CDH8: variants seen among roughly 807,000 people sequenced by gnomAD.
CDH8 encodes the protein cadherin 8.
In CDH8, 17 loss-of-function variants were observed where a neutral mutation model predicts 68.1. That is an observed-to-expected ratio of 0.25 (90% CI 0.17 to 0.37). CDH8 has a LOEUF of 0.37. Ranked by LOEUF, CDH8 falls within the 10% of genes least tolerant of loss-of-function variation. The pLI is 1.00. For synonymous variants in CDH8, 372 were observed against 365.1 expected, an observed-to-expected ratio of 1.02 and a Z score of -0.21; for missense variants, 763 against 999.3, an observed-to-expected ratio of 0.76 and a Z score of 3.19.
chr16:61,897,060 A>G (rs1963879686), intron 3 of CDH8, among the ~76,000 whole-genome samples: 1 of 148,256 alleles, frequency 6.7e-6, no homozygotes, highest in Non-Finnish European at 1.5e-5. Flanking sequence ...TAATACATAT[A>G]TATCTTTATT....
intron 2 of CDH8, among the ~76,000 whole-genome samples, chr16:61,932,043 T>C (rs1403340569): frequency 6.6e-6 from 1 of 151,690 alleles, no homozygotes; most frequent in Non-Finnish European, 1.5e-5. Context: ...CTGTCTGTAC[T>C]AAAAATACAA....
intron 8 of CDH8, among the ~76,000 whole-genome samples, chr16:61,763,270 C>T (rs1035446380): frequency 1.6e-4 from 25 of 152,132 alleles, no homozygotes; most frequent in African/African-American, 5.8e-4. Context: ...TCATGAATTG[C>T]ATACACACGT....
chr16:61,862,685 G>A (rs1057515126), intron 3 of CDH8, among the ~76,000 whole-genome samples: 3 of 152,164 alleles, frequency 2.0e-5, no homozygotes, highest in African/African-American at 7.2e-5. Flanking sequence ...GGAAAAAATG[G>A]ATGTTTCGAG....
intron 8 of CDH8, among the ~76,000 whole-genome samples, chr16:61,777,715 C>T (rs538521948): frequency 3.9e-5 from 6 of 152,214 alleles, no homozygotes; most frequent in Non-Finnish European, 5.9e-5. Context: ...CTGCTACCTA[C>T]GTTGCAGGGG....
At chr16:61,981,681 T>TGTGC (rs747443852) in intron 2 of CDH8, among the ~76,000 whole-genome samples, 77 of 141,850 alleles carry the variant, frequency 5.4e-4, no homozygotes, top group South Asian at 1.1e-3. Flanking sequence ...TGTGTGTGTG[T>TGTGC]GCGCGCGCGC....
chr16:61,885,588 CT>C (rs1253689370), intron 3 of CDH8, among the ~76,000 whole-genome samples: 1 of 151,872 alleles, frequency 6.6e-6, no homozygotes, highest in Non-Finnish European at 1.5e-5. Flanking sequence ...GGTATTTCTC[CT>C]TTCATTTAAG....
At chr16:61,943,790 A>G (rs1432036780) in intron 2 of CDH8, among the ~76,000 whole-genome samples, 1 of 152,216 alleles carries the variant, frequency 6.6e-6, no homozygotes, top group East Asian at 1.9e-4. Context: ...AAGTGAAATA[A>G]TATTATAGGA....
intron 2 of CDH8, among the ~76,000 whole-genome samples, chr16:61,931,669 G>A (rs891794880): frequency 6.6e-6 from 1 of 152,060 alleles, no homozygotes; most frequent in Non-Finnish European, 1.5e-5. Flanking sequence ...AAGATTGTGA[G>A]GGATTTCTCC....
intron 3 of CDH8, among the ~76,000 whole-genome samples, chr16:61,877,734 G>T (rs768979332): frequency 6.6e-6 from 1 of 152,062 alleles, no homozygotes; most frequent in African/African-American, 2.4e-5. Flanking sequence ...AGAGAATGAA[G>T]AGAGAGAATA....
chr16:61,812,409 A>C (rs1438428351), intron 7 of CDH8, among the ~76,000 whole-genome samples: 1 of 152,056 alleles, frequency 6.6e-6, no homozygotes, highest in East Asian at 1.9e-4. Flanking sequence ...TCTTATGTTG[A>C]CCTCCTACTC....
At chr16:61,886,399 C>T (rs937143356) in intron 3 of CDH8, among the ~76,000 whole-genome samples, 4 of 152,154 alleles carry the variant, frequency 2.6e-5, no homozygotes, top group African/African-American at 7.2e-5. Context: ...TCTTACAGAC[C>T]AAAGTTCTTT....
intron 10 of CDH8, among the ~76,000 whole-genome samples, chr16:61,688,094 C>A (rs1405189236): frequency 6.6e-6 from 1 of 151,904 alleles, no homozygotes; most frequent in Non-Finnish European, 1.5e-5. Context: ...AGTCTTTCTT[C>A]CCAGTAGTAA....
At chr16:61,730,667 T>C (rs1959509686) in intron 8 of CDH8, among the ~76,000 whole-genome samples, 1 of 151,616 alleles carries the variant, frequency 6.6e-6, no homozygotes, top group African/African-American at 2.4e-5. Flanking sequence ...TCTTATTTAG[T>C]TGTAGATATT....
Position 61,653,798 on chromosome 16 carries a change from G to C in CDH8, c.2210C>G (p.Thr737Arg). Reference protein sequence around the residue: ...VRLHEADNDPTAPPYDSIQIY... With the variant: ...VRLHEADNDPRAPPYDSIQIY... ...CTGAATGGAGTCATATGGCGGGGCC[G>C]TGGGATCATTATCTGCCTCATGCAG... The change falls in exon 12 of 12, where the codon ACG becomes AGG. Residue 737 changes from threonine (T) to arginine (R), a missense_variant. By Grantham distance (71) the Thr-to-Arg change is moderately conservative (BLOSUM62 -1). Transcript: ENST00000577390. 3 of 1,614,172 alleles carry C rather than the reference G, an allele frequency of 1.9e-6. No homozygotes were observed. The South Asian group carries it at 3.3e-5, about 18-fold the overall frequency.
chr16:61,815,877 A>G (rs141022320), intron 7 of CDH8, among the ~76,000 whole-genome samples: 143 of 152,164 alleles, frequency 9.4e-4, no homozygotes, highest in Middle Eastern at 3.4e-3. Context: ...AACAAATATC[A>G]TTGTCCCCAT....
At chr16:61,982,673 ACAGTACT>A (rs1269845132) in intron 2 of CDH8, among the ~76,000 whole-genome samples, 2 of 152,232 alleles carry the variant, frequency 1.3e-5, no homozygotes, top group South Asian at 4.1e-4. Flanking sequence ...AGGTCCATAG[ACAGTACT>A]CAGTAAACAC....
intron 8 of CDH8, among the ~76,000 whole-genome samples, chr16:61,781,583 G>A (rs1163541651): frequency 6.6e-6 from 1 of 152,174 alleles, no homozygotes. Flanking sequence ...CTGGGCAAAA[G>A]AGAGAGATCT....
intron 2 of CDH8, among the ~76,000 whole-genome samples, chr16:61,924,022 T>C (rs1251066899): frequency 6.6e-6 from 1 of 151,594 alleles, no homozygotes; most frequent in East Asian, 1.9e-4. Context: ...AAAAAAAAAC[T>C]TGGATTTCTA....
chr16:61,729,435 G>A (rs796129431), intron 8 of CDH8, among the ~76,000 whole-genome samples: 16 of 151,092 alleles, frequency 1.1e-4, no homozygotes, highest in African/African-American at 3.9e-4. Flanking sequence ...AATGTCTAAG[G>A]GGTTGTACCA....
Sources: allele counts gnomAD v4.1 joint callset (sites outside exome capture counted in the v4.1 genomes callset), GRCh38; gene constraint gnomAD v4.1.1; transcripts MANE v1.5; gene names NCBI Gene and HGNC (gene_info 2026-07-23, HGNC 2026-07-21).